PROS1: variants seen among roughly 807,000 people sequenced by gnomAD.
PROS1 encodes the protein vitamin K-dependent protein S.
In PROS1, 29 loss-of-function variants were observed where a neutral mutation model predicts 75.9. The ratio of observed to expected loss-of-function variants is 0.38; its 90% confidence interval spans 0.28 to 0.52. The LOEUF is 0.52. PROS1 is among the 20% of genes least tolerant of loss of function. The pLI, the probability that PROS1 is intolerant of heterozygous loss-of-function variation, is 0.83. For synonymous variants in PROS1, 245 were observed against 280.6 expected (o/e 0.87, Z 1.27); for missense variants, 680 against 810.3 (o/e 0.84, Z 1.95).
intron 4 of PROS1, 128 bp downstream of exon 4, chr3:93,910,490 TC>T: frequency 1.3e-6 from 1 of 775,164 alleles, no homozygotes; most frequent in Non-Finnish European, 2.2e-6. Flanking sequence ...TGAAAATACT[TC>T]CTTGCTGGGC....
chr3:93,891,908 C>T (rs904522677), intron 10 of PROS1, among the ~76,000 whole-genome samples: 4 of 151,868 alleles, frequency 2.6e-5, no homozygotes, highest in African/African-American at 4.8e-5. Context: ...TTAAGGATTA[C>T]TTATCTATCT....
chr3:93,963,640 A>G (rs1709741790), intron 1 of PROS1, among the ~76,000 whole-genome samples: 1 of 152,184 alleles, frequency 6.6e-6, no homozygotes, highest in African/African-American at 2.4e-5. Flanking sequence ...GAAGCTTCCA[A>G]TCATGGTAGA....
chr3:93,944,900 T>C (rs997980137), intron 1 of PROS1, among the ~76,000 whole-genome samples: 2 of 151,434 alleles, frequency 1.3e-5, no homozygotes, highest in Non-Finnish European at 2.9e-5. Flanking sequence ...ACAAAATTGA[T>C]AGAATAATAA....
At chr3:93,931,922 T>C (rs1418160625) in intron 1 of PROS1, among the ~76,000 whole-genome samples, 1 of 152,140 alleles carries the variant, frequency 6.6e-6, no homozygotes, top group Non-Finnish European at 1.5e-5. Flanking sequence ...GTCACTATCT[T>C]AAATAATTAG....
At chr3:93,935,855 A>G (rs1305402394) in intron 1 of PROS1, among the ~76,000 whole-genome samples, 3 of 151,846 alleles carry the variant, frequency 2.0e-5, no homozygotes, top group African/African-American at 7.3e-5. Context: ...CTCATTAAGG[A>G]AAGGAGAGAA....
rs2107204701 is a variant in PROS1, at chr3:93,927,999, A to ATG, written c.77-593_77-592insCA. ...TATATATATGTGTGTGTGTGTATAT[A>ATG]TATATATATATATTTTTTTTTTTTT... On this transcript the variant is annotated intron_variant, in intron 1 of 14. Coordinates refer to ENST00000394236, the MANE Select transcript of PROS1 (RefSeq NM_000313.4). Among the ~76,000 whole-genome samples the ATG allele has an allele frequency of 3.6e-4, 7 of 19,688 alleles. No homozygotes were observed. In the South Asian group the frequency reaches 7.8e-3, roughly 22 times the overall value. The allele number at this position is 19,688 out of a possible 152,430, so 12.9% of individuals were successfully genotyped here. A position where few individuals can be genotyped will look rare whatever the true frequency, so the allele number is the denominator to read the frequency against.
At chr3:93,881,817 T>G (rs1337415254) in intron 12 of PROS1, among the ~76,000 whole-genome samples, 8 of 152,174 alleles carry the variant, frequency 5.3e-5, no homozygotes, top group Non-Finnish European at 1.0e-4. Flanking sequence ...TCTGCCCGCC[T>G]CAGCCTCCTA....
chr3:93,973,464 A>G (rs1709912456), intron 1 of PROS1: 1 of 606,668 alleles, frequency 1.6e-6, no homozygotes, highest in Admixed American at 2.8e-5. Context: ...TGTAGGCAAT[A>G]CATTCTCGCA....
intron 1 of PROS1, among the ~76,000 whole-genome samples, chr3:93,954,130 C>T (rs1040572152): frequency 1.3e-5 from 2 of 152,124 alleles, no homozygotes; most frequent in Non-Finnish European, 2.9e-5. Context: ...GAATCAATAT[C>T]ACGAAAATGG....
chr3:93,902,150 G>GA (rs1406464176), intron 6 of PROS1, among the ~76,000 whole-genome samples: 1 of 151,778 alleles, frequency 6.6e-6, no homozygotes, highest in African/African-American at 2.4e-5. Context: ...AAGGAAAAGA[G>GA]AAAAAAATTA....
At chr3:93,972,158 T>C (rs1292938750) in intron 1 of PROS1, among the ~76,000 whole-genome samples, 5 of 152,170 alleles carry the variant, frequency 3.3e-5, no homozygotes, top group Admixed American at 3.3e-4. Context: ...AGGAGTTAAG[T>C]GTGGCAAGCT....
intron 9 of PROS1, among the ~76,000 whole-genome samples, chr3:93,893,972 AAAACAC>A (rs1431436233): frequency 1.3e-5 from 2 of 152,180 alleles, no homozygotes; most frequent in African/African-American, 4.8e-5. Context: ...CAGTATCCTT[AAAACAC>A]TTCAATGAGA....
At chr3:93,887,084 A>C (rs1708359891) in intron 10 of PROS1, among the ~76,000 whole-genome samples, 1 of 150,690 alleles carries the variant, frequency 6.6e-6, no homozygotes, top group South Asian at 2.1e-4. Flanking sequence ...GCGCCCGGCT[A>C]ATTTTTTGTA....
At chr3:93,910,299 A>G (rs1261458758) in intron 4 of PROS1, among the ~76,000 whole-genome samples, 3 of 152,210 alleles carry the variant, frequency 2.0e-5, no homozygotes, top group Admixed American at 2.0e-4. Flanking sequence ...CTACTGTAAC[A>G]TTTAGTCACA....
intron 1 of PROS1, among the ~76,000 whole-genome samples, chr3:93,927,953 TTGTGTATATATATA>T (rs1460940008): frequency 3.8e-5 from 5 of 133,092 alleles, no homozygotes; most frequent in Non-Finnish European, 6.4e-5. Flanking sequence ...ATATATATAC[TTGTGTATATATATA>T]TGTGTGTATA....
At chr3:93,907,855 T>C (rs1708700341) in intron 4 of PROS1, among the ~76,000 whole-genome samples, 1 of 152,216 alleles carries the variant, frequency 6.6e-6, no homozygotes, top group African/African-American at 2.4e-5. Context: ...AGAACAATAC[T>C]ATTCTCAACA....
chr3:93,913,556 GTC>G (rs1708792392), intron 3 of PROS1, among the ~76,000 whole-genome samples: 1 of 152,160 alleles, frequency 6.6e-6, no homozygotes, highest in Non-Finnish European at 1.5e-5. Flanking sequence ...TCTCAGGTAT[GTC>G]TTTATTAGCA....
At chr3:93,972,138 T>C (rs1373840631) in intron 1 of PROS1, among the ~76,000 whole-genome samples, 2 of 152,212 alleles carry the variant, frequency 1.3e-5, no homozygotes, top group Non-Finnish European at 2.9e-5. Flanking sequence ...AGCAAATTTC[T>C]ATGATGACAA....
chr3:93,918,378 G>C (rs1279346874), intron 3 of PROS1, among the ~76,000 whole-genome samples: 1 of 151,970 alleles, frequency 6.6e-6, no homozygotes, highest in Admixed American at 6.6e-5. Context: ...AACCCACTGG[G>C]TCCCCTTCCA....
Sources: allele counts gnomAD v4.1 joint callset (sites outside exome capture counted in the v4.1 genomes callset), GRCh38; gene constraint gnomAD v4.1.1; transcripts MANE v1.5; gene names NCBI Gene and HGNC (gene_info 2026-07-23, HGNC 2026-07-21).